Variants in ATAD3C observed in about 807,000 individuals in gnomAD.
ATAD3C encodes ATPase family AAA domain-containing protein 3C.
A neutral mutation model predicts 46.3 loss-of-function variants in ATAD3C; 38 were observed. The observed-to-expected ratio is 0.82, with a 90% CI of 0.63 to 1.08. The LOEUF (loss-of-function observed/expected upper bound fraction) is 1.08, where lower values mean the gene tolerates loss of function less well. ATAD3C is among the 50% of genes least tolerant of loss of function. The probability of loss-of-function intolerance (pLI) is 0.00; values close to 1 mark genes in which losing one functional copy is unlikely to be tolerated. For synonymous variants in ATAD3C, 220 were observed against 236.4 expected, an observed-to-expected ratio of 0.93 and a Z score of 0.63; for missense variants, 563 against 572.7, an observed-to-expected ratio of 0.98 and a Z score of 0.17.
rs541456913 is a variant in ATAD3C at position 1,455,526 on chromosome 1, C to G, written c.438+7C>G. 2 of 1,612,390 alleles carry G rather than the reference C, an allele frequency of 1.2e-6. No homozygotes were observed. Among genetic ancestry groups the G allele is most frequent in the African/African-American group, 2.7e-5 (2 of 74,976 alleles). ...GGAGGGTGTTGTGCTTAGTGTAAGT[C>G]GGTGTGCCTGGGACCGGGGAGGCGC... On this transcript the variant is annotated splice_region_variant and intron_variant, in intron 5 of 11. Transcript: ENST00000378785.
intron 9 of ATAD3C, among the ~76,000 whole-genome samples, chr1:1,460,056 C>CT (rs1394025036): frequency 1.3e-5 from 2 of 150,724 alleles, no homozygotes; most frequent in African/African-American, 4.9e-5. Flanking sequence ...CTGCTCCTGG[C>CT]TCGCGTGGCA....
Position 1,469,110 on chromosome 1 carries a change from A to T in ATAD3C, c.*580A>T, listed in dbSNP as rs1293095437. The T allele has an allele frequency of 1.5e-5, 2 of 132,346 alleles. No individual in the cohort carries two copies. Among genetic ancestry groups the T allele is most frequent in the African/African-American group, 6.8e-5 (2 of 29,370 alleles). The allele number at this position is 132,346 out of a possible 1,614,324, so 8.2% of individuals were successfully genotyped here. A position where few individuals can be genotyped will look rare whatever the true frequency, so the allele number is the denominator to read the frequency against. On this transcript the variant is annotated 3_prime_UTR_variant, in exon 12 of 12. Transcript: ENST00000378785. ...AACTCCATCTCTCCTAAAAAAAAAAAAAAAAAAAAAAAAAAAAAAAAAAAA... is the reference window on the plus strand; with the variant it reads ...AACTCCATCTCTCCTAAAAAAAAAATAAAAAAAAAAAAAAAAAAAAAAAAA...
chr1:1,463,467 G>A (rs774158526), intron 11 of ATAD3C, among the ~76,000 whole-genome samples: 2 of 152,032 alleles, frequency 1.3e-5, no homozygotes, highest in East Asian at 1.9e-4. Flanking sequence ...CGTAGGAGCC[G>A]GGGTATGTAG....
In ATAD3C at chr1:1,450,545, G is replaced by A. The variant is rs1432276277; in HGVS notation, c.-139G>A. On this transcript the variant is annotated 5_prime_UTR_variant, in exon 1 of 12. Transcript: ENST00000378785. ...CACGCCAGGTCTGACTAGGAAGGAG[G>A]ATGGGGAGGCAGGGCTGGGGGCTTT... is the stretch of plus-strand genomic sequence containing the variant. 9 of 1,083,120 alleles carry A rather than the reference G, an allele frequency of 8.3e-6. No homozygotes were observed. The East Asian group carries it at 1.0e-4, about 13-fold the overall frequency. The allele number at this position is 1,083,120 out of a possible 1,614,324, so 67.1% of individuals were successfully genotyped here.
At chr1:1,466,318 C>CG (rs1317936055) in intron 11 of ATAD3C, among the ~76,000 whole-genome samples, 2 of 150,030 alleles carry the variant, frequency 1.3e-5, no homozygotes, top group Admixed American at 6.7e-5. Flanking sequence ...GAGGCTGAGG[C>CG]GGGTGGGTCA....
chr1:1,455,673 C>T, intron 5 of ATAD3C, 118 bp from the exon 6 acceptor site: 1 of 1,558,716 alleles, frequency 6.4e-7, no homozygotes, highest in East Asian at 2.3e-5. Context: ...ATAGGCTGCC[C>T]ACGAGCTGGG....
rs1002437327 is a variant in ATAD3C, at chr1:1,457,971, C to T, written c.741+791C>T. Among the ~76,000 whole-genome samples, 10 of 151,290 alleles carry T rather than the reference C, an allele frequency of 6.6e-5. 1 individual carries two copies. The highest frequency in any genetic ancestry group is 1.3e-4 in the Admixed American group (2 of 15,128). On this transcript the variant is annotated intron_variant, in intron 8 of 11. Coordinates refer to ENST00000378785, the MANE Select transcript of ATAD3C (RefSeq NM_001039211.3). ...TATTATAGGTGTGAGCCACTGCACC[C>T]GGTCTATTTTTATTTTTATTTATTT... is the stretch of plus-strand genomic sequence containing the variant.
chr1:1,450,375 C>T lies in ATAD3C; in HGVS notation c.-309C>T, dbSNP rs1638834291. Reference sequence around the variant, plus strand: ...AACGTGAAAAAATGGACACTTTAGCCATCGCCTGACTTTCTGTTGAATTGG... The same window carrying T: ...AACGTGAAAAAATGGACACTTTAGCTATCGCCTGACTTTCTGTTGAATTGG... On this transcript the variant is annotated 5_prime_UTR_variant, in exon 1 of 12. Coordinates refer to ENST00000378785, the MANE Select transcript of ATAD3C (RefSeq NM_001039211.3). The T allele has an allele frequency of 2.8e-6, 1 of 351,526 alleles. No homozygotes were observed. Among genetic ancestry groups the T allele is most frequent in the Non-Finnish European group, 5.3e-6 (1 of 189,092 alleles). 21.8% of individuals were successfully genotyped at this position (351,526 alleles called of 1,614,324 possible). A position where few individuals can be genotyped will look rare whatever the true frequency, so the allele number is the denominator to read the frequency against.
intron 9 of ATAD3C, among the ~76,000 whole-genome samples, chr1:1,460,449 T>C (rs1639036664): frequency 6.6e-6 from 1 of 151,882 alleles, no homozygotes; most frequent in African/African-American, 2.4e-5. Flanking sequence ...GGGGCTCAGG[T>C]AGCAGGAGGG....
intron 10 of ATAD3C, among the ~76,000 whole-genome samples, chr1:1,461,193 A>ATT (rs967827285): frequency 1.4e-4 from 19 of 136,466 alleles, no homozygotes; most frequent in Admixed American, 1.4e-3. Context: ...AACCTTTAAC[A>ATT]TTTTTTTTTT....
At chr1:1,455,078 G>C (rs995981777) in intron 4 of ATAD3C, among the ~76,000 whole-genome samples, 5 of 151,626 alleles carry the variant, frequency 3.3e-5, no homozygotes, top group East Asian at 3.9e-4. Context: ...TTAGCCGGGC[G>C]TGGTGGCGGG....
intron 11 of ATAD3C, among the ~76,000 whole-genome samples, chr1:1,467,740 T>C (rs2986583): frequency 3.9e-5 from 6 of 152,016 alleles, no homozygotes; most frequent in Non-Finnish European, 5.9e-5. Flanking sequence ...CCCTGACCCA[T>C]GGGTGCCTCC....
At chr1:1,452,314 G>T in intron 2 of ATAD3C, 51 bp from the exon 3 acceptor site, 1 of 1,612,652 alleles carries the variant, frequency 6.2e-7, no homozygotes, top group South Asian at 1.1e-5. Flanking sequence ...TTCTTGCTAC[G>T]TGGCGTGGGT....
rs34301361 is a variant in ATAD3C, at chr1:1,450,636, A to G, written c.-48A>G. On this transcript the variant is annotated 5_prime_UTR_variant, in exon 1 of 12. Coordinates refer to ENST00000378785, the MANE Select transcript of ATAD3C (RefSeq NM_001039211.3). Reference sequence around the variant, plus strand: ...CTGGTGTGCGTGCCTGCCCAGCGGCATCCGTGTATCCTAACACCTGCCCTC... The same window carrying G: ...CTGGTGTGCGTGCCTGCCCAGCGGCGTCCGTGTATCCTAACACCTGCCCTC... The G allele has an allele frequency of 0.18, 283,275 of 1,582,386 alleles. 32,753 individuals are homozygous for G. The highest frequency in any genetic ancestry group is 0.4 in the East Asian group (17,489 of 43,252).
In ATAD3C at chr1:1,460,715, G is replaced by A. The variant is rs754831057; in HGVS notation, c.813-35G>A. 30 of 1,568,500 alleles carry A rather than the reference G, an allele frequency of 1.9e-5. 1 individual carries two copies. Among genetic ancestry groups the A allele is most frequent in the Non-Finnish European group, 2.4e-5 (28 of 1,156,730 alleles). On this transcript the variant is annotated intron_variant, in intron 9 of 11. Coordinates refer to ENST00000378785, the MANE Select transcript of ATAD3C (RefSeq NM_001039211.3). The stretch of plus-strand genomic sequence containing the variant: ...TCCCCTGGGGACAGCTCGGCCGGCA[G>A]CCCCAGCGTTTCCTTCCCCATCCCC...
intron 7 of ATAD3C, 61 bp from the exon 8 acceptor site, chr1:1,457,068 C>A (rs559670131): frequency 6.2e-7 from 1 of 1,607,722 alleles, no homozygotes; most frequent in Non-Finnish European, 8.5e-7. Context: ...CATGGCCGGA[C>A]GCCGCTGTGG....
In ATAD3C at chr1:1,462,842, C is replaced by T. The variant is rs1319774948; in HGVS notation, c.1089+134C>T. The T allele has an allele frequency of 1.7e-6, 2 of 1,146,750 alleles. No individual in the cohort carries two copies. Among genetic ancestry groups the T allele is most frequent in the Non-Finnish European group, 2.4e-6 (2 of 818,128 alleles). 71.0% of individuals were successfully genotyped at this position (1,146,750 alleles called of 1,614,324 possible). Reference sequence around the variant, plus strand: ...AGGGGTTTTCAGTGCACAGATGTGACACGGGGCCCCTGCCCCAGTTGGGCC... The same window carrying T: ...AGGGGTTTTCAGTGCACAGATGTGATACGGGGCCCCTGCCCCAGTTGGGCC... On this transcript the variant is annotated intron_variant, in intron 11 of 11. Coordinates refer to ENST00000378785, the MANE Select transcript of ATAD3C (RefSeq NM_001039211.3). This position sits in a 1 kb window ranked among gnomAD's most constrained non-coding sequence, Gnocchi z 4.5.
In ATAD3C at chr1:1,461,544, AC is replaced by A. The variant is rs1252473070; in HGVS notation, c.980+632del. ...CTGTGAGGAAATCCTGTACCTGGCCACCCCCAGACCCTGGCAGTGAGGGGAG... is the reference window on the plus strand; with the variant it reads ...CTGTGAGGAAATCCTGTACCTGGCCACCCCAGACCCTGGCAGTGAGGGGAG... On this transcript the variant is annotated intron_variant, in intron 10 of 11. Transcript: ENST00000378785. Among the ~76,000 whole-genome samples the A allele has an allele frequency of 2.0e-5, 3 of 150,052 alleles. No homozygotes were observed. In the East Asian group the frequency reaches 5.9e-4, roughly 30 times the overall value.
intron 5 of ATAD3C, 48 bp downstream of exon 5, chr1:1,455,567 G>A (rs2100477550): frequency 6.2e-7 from 1 of 1,610,938 alleles, no homozygotes; most frequent in African/African-American, 1.3e-5. Context: ...GGGGACCCCG[G>A]AGCTGGGCTG....
Sources: gnomAD v4.1 joint callset for allele counts (sites outside exome capture counted in the v4.1 genomes callset) on GRCh38, gnomAD v4.1.1 for gene constraint, Gnocchi (gnomAD v3.1) non-coding constraint, MANE v1.5 for transcripts, NCBI Gene and HGNC (gene_info 2026-07-23, HGNC 2026-07-21) for gene names.